The following PEX5L variants were observed in gnomAD, a reference collection of about 807,000 sequenced individuals.
The protein encoded by PEX5L is peroxisomal biogenesis factor 5 like, also known as PEX5-related protein.
A neutral mutation model predicts 84.0 loss-of-function variants in PEX5L; 30 were observed. The observed-to-expected ratio is 0.36, with a 90% CI of 0.27 to 0.48. PEX5L has a LOEUF of 0.48. PEX5L is among the 20% of genes least tolerant of loss of function. The pLI, the probability that PEX5L is intolerant of heterozygous loss-of-function variation, is 0.99. For missense variants in PEX5L, 533 were observed against 754.6 expected (o/e 0.71, Z 3.44); for synonymous variants, 270 against 283.1 (o/e 0.95, Z 0.46).
At chr3:179,863,580 A>G (rs1747014683) in intron 7 of PEX5L, among the ~76,000 whole-genome samples, 1 of 152,154 alleles carries the variant, frequency 6.6e-6, no homozygotes, top group East Asian at 1.9e-4. Flanking sequence ...ATATGAACAA[A>G]ATATTCAACA....
At chr3:180,025,153 G>A (rs1267500185) in intron 1 of PEX5L, among the ~76,000 whole-genome samples, 1 of 152,144 alleles carries the variant, frequency 6.6e-6, no homozygotes, top group East Asian at 1.9e-4. Context: ...TTCATTTCAA[G>A]TGTGTAGAAA....
intron 2 of PEX5L, among the ~76,000 whole-genome samples, chr3:179,915,331 G>C (rs2109295120): frequency 6.6e-6 from 1 of 152,328 alleles, no homozygotes; most frequent in African/African-American, 2.4e-5. Context: ...GTAGTGCTTT[G>C]AGTCAATCTT....
At position 179,803,171 on chromosome 3, in the gene PEX5L, A is replaced by T. The variant is rs143094107; in HGVS notation, c.1677-1139T>A. 9.8e-5 allele frequency among the ~76,000 whole-genome samples: 15 copies of T among 152,340 alleles called. No individual in the cohort carries two copies. The East Asian group carries it at 2.5e-3, about 25-fold the overall frequency. ...GACTGACTGCAGAAGCAGGTGTGAG[A>T]GTGTGTCTTCTAGTAAGCAAGATAT... On this transcript the variant is annotated intron_variant, in intron 14 of 14. Transcript: ENST00000467460.
At chr3:180,028,303 A>T (rs1791147784) in intron 1 of PEX5L, among the ~76,000 whole-genome samples, 1 of 152,226 alleles carries the variant, frequency 6.6e-6, no homozygotes, top group African/African-American at 2.4e-5. Context: ...GAACACCTTT[A>T]GAACAAGAAA....
intron 8 of PEX5L, among the ~76,000 whole-genome samples, chr3:179,851,415 TTCCCAAAGGCCCCATC>T (rs1338243328): frequency 6.6e-6 from 1 of 152,136 alleles, no homozygotes; most frequent in Non-Finnish European, 1.5e-5. Context: ...ACCTAGTCAC[TTCCCAAAGGCCCCATC>T]TCTTCATACC....
chr3:179,885,631 G>C (rs1755605461), intron 4 of PEX5L, among the ~76,000 whole-genome samples: 1 of 151,402 alleles, frequency 6.6e-6, no homozygotes, highest in African/African-American at 2.4e-5. Context: ...GGGTGACAGA[G>C]CGAGACTCCG....
At chr3:180,018,117 A>G (rs1790095429) in intron 1 of PEX5L, among the ~76,000 whole-genome samples, 1 of 152,220 alleles carries the variant, frequency 6.6e-6, no homozygotes, top group Admixed American at 6.5e-5. Flanking sequence ...TGGAACATAT[A>G]CGTTACATTA....
chr3:179,802,875 T>C (rs75591162), intron 14 of PEX5L, among the ~76,000 whole-genome samples: 1,651 of 151,980 alleles, frequency 0.011, 24 homozygotes, highest in Middle Eastern at 0.031. Context: ...TTTTTTTTTT[T>C]CCAAGGATTA....
chr3:179,843,071 C>T (rs185573970), intron 8 of PEX5L, among the ~76,000 whole-genome samples: 8 of 151,844 alleles, frequency 5.3e-5, no homozygotes, highest in East Asian at 3.9e-4. Flanking sequence ...CTGATTGAAA[C>T]GACTGCAAGA....
At chr3:179,875,680 C>A (rs558620203) in intron 5 of PEX5L, among the ~76,000 whole-genome samples, 4 of 152,144 alleles carry the variant, frequency 2.6e-5, no homozygotes, top group Admixed American at 6.5e-5. Flanking sequence ...ATGTTGCATA[C>A]AAATTAAAAC....
At chr3:179,938,140 A>T (rs1021308863) in intron 2 of PEX5L, among the ~76,000 whole-genome samples, 2 of 152,122 alleles carry the variant, frequency 1.3e-5, no homozygotes, top group Non-Finnish European at 2.9e-5. Context: ...TTAAAGGTAA[A>T]CTCTGCAGAG....
intron 1 of PEX5L, among the ~76,000 whole-genome samples, chr3:179,978,501 T>C (rs1206504268): frequency 6.6e-6 from 1 of 152,190 alleles, no homozygotes; most frequent in Non-Finnish European, 1.5e-5. Flanking sequence ...TGTACTCAAC[T>C]ACCTAGATTC....
intron 3 of PEX5L, among the ~76,000 whole-genome samples, chr3:179,897,877 T>A (rs1759880113): frequency 6.6e-6 from 1 of 152,142 alleles, no homozygotes; most frequent in Non-Finnish European, 1.5e-5. Context: ...AGCAACATGT[T>A]TTACTTGCAC....
Position 179,800,481 on chromosome 3 carries a change from T to TA in PEX5L, c.*1346dup, listed in dbSNP as rs1451545449. 1.3e-5 allele frequency: 2 copies of TA among 152,216 alleles called. No homozygotes were observed. Among genetic ancestry groups the TA allele is most frequent in the Non-Finnish European group, 2.9e-5 (2 of 68,034 alleles). 9.4% of individuals were successfully genotyped at this position (152,216 alleles called of 1,614,324 possible). On this transcript the variant is annotated 3_prime_UTR_variant, in exon 15 of 15. Transcript: ENST00000467460. ...TTTGCAAAAAATGTTCCTAATTCTT[T>TA]AAAAAATGTATCTTTCAAAATAATC...
At chr3:179,918,148 T>C (rs1040378477) in intron 2 of PEX5L, among the ~76,000 whole-genome samples, 2 of 152,182 alleles carry the variant, frequency 1.3e-5, no homozygotes, top group African/African-American at 4.8e-5. Flanking sequence ...AACTACTATG[T>C]TTTATTGCCT....
chr3:179,814,652 C>T (rs1311360381), intron 10 of PEX5L, among the ~76,000 whole-genome samples: 1 of 152,154 alleles, frequency 6.6e-6, no homozygotes, highest in African/African-American at 2.4e-5. Context: ...GATAGGCCTT[C>T]ACAGGTTTAG....
intron 2 of PEX5L, among the ~76,000 whole-genome samples, chr3:179,932,453 C>A (rs1334176557): frequency 6.6e-6 from 1 of 152,014 alleles, no homozygotes; most frequent in Non-Finnish European, 1.5e-5. Context: ...ACCCTACCTC[C>A]CCAGAAAAGA....
intron 7 of PEX5L, among the ~76,000 whole-genome samples, chr3:179,869,448 T>C (rs1749516261): frequency 6.6e-6 from 1 of 152,206 alleles, no homozygotes; most frequent in Admixed American, 6.5e-5. Flanking sequence ...AGAAACTTTA[T>C]TCTTAAAAAC....
intron 9 of PEX5L, among the ~76,000 whole-genome samples, chr3:179,819,018 T>G (rs905194939): frequency 1.3e-5 from 2 of 149,540 alleles, no homozygotes; most frequent in African/African-American, 5.0e-5. Context: ...TGTAGAACTG[T>G]AGAACTACAG....
Sources: gnomAD v4.1 joint callset for allele counts (sites outside exome capture counted in the v4.1 genomes callset) on GRCh38, gnomAD v4.1.1 for gene constraint, MANE v1.5 for transcripts, NCBI Gene and HGNC (gene_info 2026-07-23, HGNC 2026-07-21) for gene names.